The following CDH18 variants were observed in gnomAD, a reference collection of about 807,000 sequenced individuals.
CDH18 encodes cadherin 18.
In CDH18, 31 loss-of-function variants were observed where a neutral mutation model predicts 67.9. The observed-to-expected ratio is 0.46, with a 90% CI of 0.34 to 0.62. The LOEUF (loss-of-function observed/expected upper bound fraction) is 0.62. Among genes scored for constraint, CDH18 ranks in the 20% least tolerant of loss-of-function variants. The pLI, the probability that CDH18 is intolerant of heterozygous loss-of-function variation, is 0.01. For synonymous variants in CDH18, 362 were observed against 347.2 expected, an observed-to-expected ratio of 1.04 and a Z score of -0.48; for missense variants, 890 against 975.5, an observed-to-expected ratio of 0.91 and a Z score of 1.17.
intron 4 of CDH18, among the ~76,000 whole-genome samples, chr5:19,739,728 T>C (rs1251250620): frequency 1.3e-5 from 2 of 152,188 alleles, no homozygotes; most frequent in Non-Finnish European, 2.9e-5. Context: ...CAATGTTCCA[T>C]GTAGAATTAG....
chr5:20,464,347 G>T (rs1292694756), intron 1 of CDH18, among the ~76,000 whole-genome samples: 5 of 152,298 alleles, frequency 3.3e-5, no homozygotes, highest in East Asian at 3.9e-4. Flanking sequence ...TGAATTGATA[G>T]AATGTGTGTT....
chr5:20,342,232 C>T (rs142503971), intron 1 of CDH18, among the ~76,000 whole-genome samples: 4 of 152,102 alleles, frequency 2.6e-5, no homozygotes, highest in East Asian at 1.9e-4. Flanking sequence ...GGAATGGGGA[C>T]GTGTGGGAGG....
intron 1 of CDH18, among the ~76,000 whole-genome samples, chr5:20,515,323 GA>G (rs1231671617): frequency 6.7e-6 from 1 of 149,828 alleles, no homozygotes; most frequent in African/African-American, 2.4e-5. Flanking sequence ...AAAAAAAAAG[GA>G]AAATAAAACC....
chr5:19,724,353 T>C (rs1234401363), intron 4 of CDH18, among the ~76,000 whole-genome samples: 2 of 152,116 alleles, frequency 1.3e-5, no homozygotes, highest in African/African-American at 2.4e-5. Context: ...TCTAGAGATT[T>C]AGGGAGACAG....
intron 8 of CDH18, among the ~76,000 whole-genome samples, chr5:19,548,457 G>A (rs1415213230): frequency 6.6e-6 from 1 of 151,852 alleles, no homozygotes; most frequent in Non-Finnish European, 1.5e-5. Flanking sequence ...ATATGTGTGA[G>A]GCAGAGAGGA....
At chr5:19,677,376 C>T (rs62351320) in intron 5 of CDH18, among the ~76,000 whole-genome samples, 22,867 of 152,020 alleles carry the variant, frequency 0.15, 2,174 homozygotes, top group Admixed American at 0.19. Context: ...TCATTACCAC[C>T]AGAACTGCCT....
intron 2 of CDH18, among the ~76,000 whole-genome samples, chr5:19,875,752 A>T (rs1232088678): frequency 6.6e-6 from 1 of 151,994 alleles, no homozygotes; most frequent in Non-Finnish European, 1.5e-5. Flanking sequence ...TGTTTTATTC[A>T]TAATTACATT....
At chr5:20,419,076 C>T (rs534993136) in intron 1 of CDH18, among the ~76,000 whole-genome samples, 4 of 151,990 alleles carry the variant, frequency 2.6e-5, no homozygotes, top group South Asian at 2.1e-4. Flanking sequence ...GGGTGGGACC[C>T]ATGCGGAGGT....
At chr5:20,457,539 T>C (rs1009239919) in intron 1 of CDH18, among the ~76,000 whole-genome samples, 1 of 152,168 alleles carries the variant, frequency 6.6e-6, no homozygotes, top group Non-Finnish European at 1.5e-5. Context: ...AGTGTGGCTA[T>C]ACAACTGTGC....
chr5:19,484,482 C>T (rs1249716727), intron 11 of CDH18, among the ~76,000 whole-genome samples: 1 of 152,174 alleles, frequency 6.6e-6, no homozygotes, highest in Non-Finnish European at 1.5e-5. Flanking sequence ...TATTCCTCGT[C>T]CCTGAATGCA....
At chr5:20,001,137 T>G (rs1410160277) in intron 2 of CDH18, among the ~76,000 whole-genome samples, 1 of 152,192 alleles carries the variant, frequency 6.6e-6, no homozygotes, top group Non-Finnish European at 1.5e-5. Context: ...TAATTTCTTT[T>G]TATTTTAATG....
intron 2 of CDH18, among the ~76,000 whole-genome samples, chr5:20,077,027 CTT>C (rs1003648221): frequency 6.6e-6 from 1 of 152,102 alleles, no homozygotes; most frequent in Non-Finnish European, 1.5e-5. Context: ...ATTGTGTTGT[CTT>C]TACCACTGAG....
chr5:20,180,914 A>T (rs949555943), intron 2 of CDH18, among the ~76,000 whole-genome samples: 4 of 152,114 alleles, frequency 2.6e-5, no homozygotes, highest in African/African-American at 4.8e-5. Context: ...TATTACACTG[A>T]TTATTCACCA....
At chr5:19,805,123 T>C (rs1204997517) in intron 3 of CDH18, among the ~76,000 whole-genome samples, 2 of 151,922 alleles carry the variant, frequency 1.3e-5, no homozygotes, top group African/African-American at 4.8e-5. Flanking sequence ...ATTTTTGTAT[T>C]TATTGAGGAG....
intron 1 of CDH18, among the ~76,000 whole-genome samples, chr5:20,437,721 C>T (rs927977532): frequency 2.0e-5 from 3 of 151,264 alleles, no homozygotes; most frequent in Non-Finnish European, 1.5e-5. Context: ...AATAACTTTC[C>T]TAATTTCATT....
rs547240955 is a variant in CDH18, at chr5:19,735,430, T to A, written c.523+11512A>T. Among the ~76,000 whole-genome samples, 407 of 149,478 alleles carry A rather than the reference T, an allele frequency of 2.7e-3. 2 individuals are homozygous for A. Among genetic ancestry groups the A allele is most frequent in the Non-Finnish European group, 4.8e-3 (325 of 67,684 alleles). On this transcript the variant is annotated intron_variant, in intron 4 of 12. Transcript: ENST00000382275. ...TTTTTTTTTTGAGACGGAGTCTCGC[T>A]CTGTCGCCCAGGCTGGAATGCAGTG...
At chr5:20,414,065 G>A (rs999378436) in intron 1 of CDH18, among the ~76,000 whole-genome samples, 5 of 152,266 alleles carry the variant, frequency 3.3e-5, no homozygotes, top group Middle Eastern at 3.4e-3. Flanking sequence ...AGGATTTTGA[G>A]AAAAGGGAAC....
In CDH18 at chr5:20,427,908, C is replaced by T. The variant is rs544910000; in HGVS notation, c.-580+147554G>A. On this transcript the variant is annotated intron_variant, in intron 1 of 14. Transcript: ENST00000507958. ...TTTCTAATCAGAACATTATCAAACT[C>T]TTTTTGACCCAACGTGTTTGTTTTT... Among the ~76,000 whole-genome samples the T allele has an allele frequency of 5.3e-5, 8 of 151,226 alleles. No individual in the cohort carries two copies. In the South Asian group the frequency reaches 1.5e-3, roughly 28 times the overall value.
chr5:19,856,193 T>C (rs1784265433), intron 2 of CDH18, among the ~76,000 whole-genome samples: 2 of 152,234 alleles, frequency 1.3e-5, no homozygotes, highest in South Asian at 2.1e-4. Context: ...TGAGAGCTGA[T>C]TGGAAATGCA....
Sources: gnomAD v4.1 joint callset for allele counts (sites outside exome capture counted in the v4.1 genomes callset) on GRCh38, gnomAD v4.1.1 for gene constraint, MANE v1.5 for transcripts, NCBI Gene and HGNC (gene_info 2026-07-23, HGNC 2026-07-21) for gene names.